MCU: variants seen among roughly 807,000 people sequenced by gnomAD.
The protein encoded by MCU is mitochondrial calcium uniporter, also known as calcium uniporter protein, mitochondrial.
MCU carries 12 observed loss-of-function variants against 45.2 expected under a neutral mutation model. That is an observed-to-expected ratio of 0.27 (90% CI 0.17 to 0.43). The LOEUF (loss-of-function observed/expected upper bound fraction) is 0.43, where lower values mean the gene tolerates loss of function less well. Ranked by LOEUF, MCU falls within the 20% of genes least tolerant of loss-of-function variation. MCU has a pLI of 1.00. For synonymous variants in MCU, 160 were observed against 165.1 expected (o/e 0.97, Z 0.24); for missense variants, 324 against 436.7 (o/e 0.74, Z 2.30).
At chr10:72,740,248 G>A (rs1405761897) in intron 1 of MCU, among the ~76,000 whole-genome samples, 1 of 151,912 alleles carries the variant, frequency 6.6e-6, no homozygotes, top group Admixed American at 6.6e-5. Flanking sequence ...GCATGGTGGT[G>A]TGCACCTGTA....
intron 1 of MCU, among the ~76,000 whole-genome samples, chr10:72,704,669 C>G (rs1589424092): frequency 2.0e-5 from 3 of 148,692 alleles, no homozygotes; most frequent in Admixed American, 1.3e-4. Context: ...TCCCAAGTAA[C>G]TGGGACTACA....
intron 2 of MCU, among the ~76,000 whole-genome samples, chr10:72,843,251 T>C (rs912343602): frequency 2.0e-5 from 3 of 152,218 alleles, no homozygotes; most frequent in Non-Finnish European, 4.4e-5. Context: ...TCCACTGTTA[T>C]AGTATCACAC....
chr10:72,723,939 T>A (rs1843062194), intron 1 of MCU, among the ~76,000 whole-genome samples: 1 of 152,220 alleles, frequency 6.6e-6, no homozygotes, highest in African/African-American at 2.4e-5. Flanking sequence ...TCCATCTGTT[T>A]CAGATGGTAT....
chr10:72,759,059 A>G (rs889540994), intron 1 of MCU, among the ~76,000 whole-genome samples: 1 of 152,152 alleles, frequency 6.6e-6, no homozygotes, highest in African/African-American at 2.4e-5. Flanking sequence ...GCAAGTCTGC[A>G]TGTAGGGTAA....
At chr10:72,851,811 T>A (rs1845211370) in intron 2 of MCU, among the ~76,000 whole-genome samples, 3 of 152,170 alleles carry the variant, frequency 2.0e-5, no homozygotes, top group Non-Finnish European at 2.9e-5. Context: ...TTAGTTTTTG[T>A]GAAGGCAGTT....
chr10:72,698,405 C>T (rs1842716113), intron 1 of MCU, among the ~76,000 whole-genome samples: 1 of 152,178 alleles, frequency 6.6e-6, no homozygotes, highest in African/African-American at 2.4e-5. Context: ...TATGTTTTAG[C>T]TTTGCATCCC....
intron 1 of MCU, among the ~76,000 whole-genome samples, chr10:72,781,738 T>C (rs1363881846): frequency 6.6e-6 from 1 of 152,006 alleles, no homozygotes; most frequent in Non-Finnish European, 1.5e-5. Context: ...TTCAGAAAAA[T>C]AGGAACCTAC....
At chr10:72,731,361 G>T (rs367792796) in intron 1 of MCU, among the ~76,000 whole-genome samples, 1 of 152,186 alleles carries the variant, frequency 6.6e-6, no homozygotes, top group Non-Finnish European at 1.5e-5. Flanking sequence ...GTCACTGAGT[G>T]CCCAAGGAAT....
chr10:72,861,946 T>G (rs1845383594), intron 4 of MCU, among the ~76,000 whole-genome samples: 1 of 151,666 alleles, frequency 6.6e-6, no homozygotes, highest in Admixed American at 6.6e-5. Flanking sequence ...AGTACAATGC[T>G]AAGTAGCCCT....
At chr10:72,721,584 A>G (rs965442760) in intron 1 of MCU, among the ~76,000 whole-genome samples, 2 of 152,166 alleles carry the variant, frequency 1.3e-5, no homozygotes, top group South Asian at 4.1e-4. Context: ...GCAGTTTTCT[A>G]TCATTAGAAT....
chr10:72,765,862 A>C (rs974926397), intron 1 of MCU, among the ~76,000 whole-genome samples: 17 of 147,828 alleles, frequency 1.1e-4, no homozygotes, highest in East Asian at 2.0e-4. Flanking sequence ...CTTTTATTTT[A>C]TTTTCTTTTT....
intron 2 of MCU, among the ~76,000 whole-genome samples, chr10:72,851,799 C>A (rs1316437729): frequency 6.6e-6 from 1 of 152,064 alleles, no homozygotes; most frequent in South Asian, 2.1e-4. Flanking sequence ...GTTGCTCTTT[C>A]GTTAGTTTTT....
intron 1 of MCU, among the ~76,000 whole-genome samples, chr10:72,790,556 T>G (rs1278833552): frequency 6.6e-6 from 1 of 152,222 alleles, no homozygotes; most frequent in East Asian, 1.9e-4. Context: ...TTGAATTCTA[T>G]TATCTTGTGG....
chr10:72,816,420 G>A (rs1408249281), intron 1 of MCU, among the ~76,000 whole-genome samples: 5 of 152,132 alleles, frequency 3.3e-5, no homozygotes, highest in Non-Finnish European at 7.4e-5. Context: ...CTGAACTTCA[G>A]TAATTGAAAG....
rs1323060281 is a variant in MCU at position 72,842,505 on chromosome 10, G to A, written c.220+8077G>A. Among the ~76,000 whole-genome samples, 6 of 152,096 alleles carry A rather than the reference G, an allele frequency of 3.9e-5. No individual in the cohort carries two copies. The East Asian group carries it at 1.2e-3, about 29-fold the overall frequency. The stretch of plus-strand genomic sequence containing the variant: ...TTCAGTACCACTTTTCATCAAAACA[G>A]AAAGTACACAACCTTTTGGATATCA... On this transcript the variant is annotated intron_variant, in intron 2 of 7. Coordinates refer to ENST00000373053, the MANE Select transcript of MCU (RefSeq NM_138357.3).
At chr10:72,813,358 C>G (rs2132804755) in intron 1 of MCU, among the ~76,000 whole-genome samples, 1 of 151,632 alleles carries the variant, frequency 6.6e-6, no homozygotes, top group South Asian at 2.1e-4. Context: ...ACTGCAGAAA[C>G]CTAACCCTTT....
At chr10:72,846,147 C>A (rs12784503) in intron 2 of MCU, among the ~76,000 whole-genome samples, 80,240 of 151,786 alleles carry the variant, frequency 0.53, 23,033 homozygotes, top group Non-Finnish European at 0.67. Flanking sequence ...GGTTCAAGCA[C>A]TTCTCCTGCC....
At chr10:72,880,356 A>G (rs1313802217) in intron 6 of MCU, among the ~76,000 whole-genome samples, 1 of 152,246 alleles carries the variant, frequency 6.6e-6, no homozygotes, top group Non-Finnish European at 1.5e-5. Flanking sequence ...ATACAAGATC[A>G]ATGTATGTAA....
At chr10:72,744,051 CAT>C (rs757305882) in intron 1 of MCU, among the ~76,000 whole-genome samples, 94 of 150,656 alleles carry the variant, frequency 6.2e-4, no homozygotes, top group African/African-American at 1.9e-3. Flanking sequence ...GTATGTAAAA[CAT>C]ATATATGTTA....
Sources: gnomAD v4.1 joint callset for allele counts (sites outside exome capture counted in the v4.1 genomes callset) on GRCh38, gnomAD v4.1.1 for gene constraint, MANE v1.5 for transcripts, NCBI Gene and HGNC (gene_info 2026-07-23, HGNC 2026-07-21) for gene names.